The following ANK2 variants were observed in gnomAD, a reference collection of about 807,000 sequenced individuals.
The protein encoded by ANK2 is ankyrin-2.
In ANK2, 83 loss-of-function variants were observed where a neutral mutation model predicts 360.5. That is an observed-to-expected ratio of 0.23 (90% confidence interval 0.19 to 0.28). The LOEUF (loss-of-function observed/expected upper bound fraction) is 0.28. Ranked by LOEUF, ANK2 falls within the 10% of genes least tolerant of loss-of-function variation. The probability of loss-of-function intolerance (pLI) is 1.00; values close to 1 mark genes in which losing one functional copy is unlikely to be tolerated. For synonymous variants in ANK2, 1,740 were observed against 1,759.5 expected (o/e 0.99, Z 0.28); for missense variants, 4,201 against 4,795.7 (o/e 0.88, Z 3.66).
chr4:113,015,543 A>G (rs1398448249), intron 2 of ANK2, among the ~76,000 whole-genome samples: 2 of 152,208 alleles, frequency 1.3e-5, no homozygotes, highest in Non-Finnish European at 2.9e-5. Context: ...AAATATTAGT[A>G]TTAGTTTTCC....
At chr4:113,168,256 T>A (rs955584451) in intron 1 of ANK2, among the ~76,000 whole-genome samples, 1 of 152,192 alleles carries the variant, frequency 6.6e-6, no homozygotes, top group African/African-American at 2.4e-5. Context: ...AATATTTAGG[T>A]AGAATTTATC....
intron 9 of ANK2, among the ~76,000 whole-genome samples, chr4:113,249,488 A>G (rs1244163264): frequency 6.6e-6 from 1 of 152,130 alleles, no homozygotes; most frequent in African/African-American, 2.4e-5. Context: ...ATTTCATTCC[A>G]TTGACCCTCT....
intron 2 of ANK2, among the ~76,000 whole-genome samples, chr4:112,934,487 T>A (rs973160969): frequency 6.6e-6 from 1 of 152,240 alleles, no homozygotes; most frequent in Non-Finnish European, 1.5e-5. Flanking sequence ...ATTTGAATTT[T>A]TAATCAACTT....
chr4:112,856,081 C>T (rs2066333166), intron 1 of ANK2, among the ~76,000 whole-genome samples: 1 of 152,114 alleles, frequency 6.6e-6, no homozygotes, highest in South Asian at 2.1e-4. Flanking sequence ...ATTATTAAAT[C>T]TTAGGACTTT....
intron 2 of ANK2, among the ~76,000 whole-genome samples, chr4:112,910,957 CTTTTT>C (rs1163828806): frequency 8.0e-6 from 1 of 125,174 alleles, no homozygotes; most frequent in African/African-American, 3.0e-5. Flanking sequence ...TATTATTTGC[CTTTTT>C]TTTTTTTTTT....
chr4:112,738,850 A>T, the ANK2 span: 109 of 645,364 alleles, frequency 1.7e-4, 1 homozygote, highest in South Asian at 1.5e-3. Context: ...AACATTGGTT[A>T]TGGGAGCAAC....
chr4:113,155,200 A>G (rs1274784822), intron 1 of ANK2, among the ~76,000 whole-genome samples: 1 of 152,164 alleles, frequency 6.6e-6, no homozygotes, highest in Non-Finnish European at 1.5e-5. Context: ...CCGAGTATTA[A>G]CATATGCCTT....
intron 3 of ANK2, among the ~76,000 whole-genome samples, chr4:113,197,167 G>A (rs561618236): frequency 4.9e-4 from 75 of 152,278 alleles, no homozygotes; most frequent in African/African-American, 1.7e-3. Context: ...ATGAGACTAT[G>A]CAGAATCGTT....
chr4:112,978,108 G>C (rs62317134), intron 2 of ANK2, among the ~76,000 whole-genome samples: 38,924 of 151,578 alleles, frequency 0.26, 5,243 homozygotes, highest in East Asian at 0.42. Flanking sequence ...GCCGGGTATG[G>C]TGGTGAGTCC....
chr4:113,064,450 A>T (rs1306366591), intron 1 of ANK2, among the ~76,000 whole-genome samples: 1 of 152,132 alleles, frequency 6.6e-6, no homozygotes, highest in Non-Finnish European at 1.5e-5. Flanking sequence ...TTCAGCCAGG[A>T]TTAAGGAGGA....
rs2095846908 is a variant in ANK2 at position 113,357,233 on chromosome 4, A to C, written c.8615A>C (p.Gln2872Pro). The change falls in exon 38 of 46, where the codon CAA (glutamine) becomes CCA (proline). Residue 2872 changes from glutamine (Q) to proline (P), a missense_variant. This residue lies in a region of ANK2 where 2,642 missense variants were observed against 2,714.5 expected (regional missense o/e 0.97). Transcript: ENST00000357077. The stretch of plus-strand genomic sequence containing the variant: ...GACATATCTGCCACATCTTCTATTC[A>C]AAAAACAGAGGTCACAAAAACTGAT... ...DEDISATSSI[Q>P]KTEVTKTDET... The C allele has an allele frequency of 6.2e-7, 1 of 1,613,954 alleles. No individual in the cohort carries two copies. Among genetic ancestry groups the C allele is most frequent in the South Asian group, 1.1e-5 (1 of 91,084 alleles).
chr4:113,357,382 C>T lies in ANK2; in HGVS notation c.8764C>T (p.Pro2922Ser). ...DLAENDEIYD[P>S]QITSPYENVP... ...AGCTGAGAATGATGAAATCTATGAT[C>T]CACAAATCACTAGCCCTTATGAAAA... The change falls in exon 38 of 46, where the codon CCA becomes TCA. Residue 2922 changes from proline to serine, a missense_variant. Pro to Ser is a moderately conservative substitution (Grantham distance 74). This residue lies in a region of ANK2 where 2,642 missense variants were observed against 2,714.5 expected (regional missense o/e 0.97). Transcript: ENST00000357077. 6.2e-7 allele frequency: 1 copy of T among 1,614,010 alleles called. No homozygotes were observed. Among genetic ancestry groups the T allele is most frequent in the Non-Finnish European group, 8.5e-7 (1 of 1,179,962 alleles).
At chr4:113,067,324 C>T (rs1230581201) in intron 1 of ANK2, among the ~76,000 whole-genome samples, 5 of 151,728 alleles carry the variant, frequency 3.3e-5, no homozygotes, top group African/African-American at 4.8e-5. Flanking sequence ...ATGGAGGGGG[C>T]GGAGGGGAAA....
At chr4:113,124,374 G>T (rs578111157) in intron 1 of ANK2, among the ~76,000 whole-genome samples, 1 of 152,122 alleles carries the variant, frequency 6.6e-6, no homozygotes, top group African/African-American at 2.4e-5. Flanking sequence ...CATTAATTTA[G>T]TAAGAAAGAA....
intron 1 of ANK2, among the ~76,000 whole-genome samples, chr4:112,900,226 T>A (rs2082907048): frequency 6.6e-6 from 1 of 152,200 alleles, no homozygotes; most frequent in South Asian, 2.1e-4. Flanking sequence ...AATGTTTTAT[T>A]ATGCTCTAAC....
intron 1 of ANK2, among the ~76,000 whole-genome samples, chr4:112,843,901 G>GT (rs2062721662): frequency 6.6e-6 from 1 of 151,942 alleles, no homozygotes; most frequent in Admixed American, 6.6e-5. Context: ...CAGAACTTAG[G>GT]TTTTTTTGGA....
chr4:112,788,993 C>T, the ANK2 span: 1 of 550,516 alleles, frequency 1.8e-6, no homozygotes, highest in African/African-American at 1.9e-5. Context: ...TTTTTATTTC[C>T]CTCAAAGTGT....
chr4:113,291,772 A>G lies in ANK2; in HGVS notation c.2278-644A>G, dbSNP rs369447954. On this transcript the variant is annotated intron_variant, in intron 20 of 45. Transcript: ENST00000357077. ...CATTGTCTGGTAGCCATTGGCTGTC[A>G]TAGTCTTCTGCACAGGATCTGAACC... 6.1e-3 allele frequency among the ~76,000 whole-genome samples: 924 copies of G among 152,336 alleles called. 9 individuals carry two copies. The highest frequency in any genetic ancestry group is 0.021 in the African/African-American group (864 of 41,574).
intron 4 of ANK2, among the ~76,000 whole-genome samples, chr4:113,212,510 G>A (rs188086313): frequency 2.0e-4 from 30 of 152,230 alleles, no homozygotes; most frequent in Middle Eastern, 3.4e-3. Context: ...AATGGCCAGC[G>A]ATCTCTTTTG....
Sources: gnomAD v4.1 joint callset for allele counts (sites outside exome capture counted in the v4.1 genomes callset) on GRCh38, gnomAD v4.1.1 for gene constraint, gnomAD v4.1.1 regional missense constraint, MANE v1.5 for transcripts, NCBI Gene and HGNC (gene_info 2026-07-23, HGNC 2026-07-21) for gene names.